The following PROKR2 variants were observed in gnomAD, a reference collection of about 807,000 sequenced individuals.
PROKR2 encodes the protein G protein-coupled receptor 73-like 1.
PROKR2 carries 26 observed loss-of-function variants against 23.4 expected under a neutral mutation model. The observed-to-expected ratio is 1.11, with a 90% confidence interval of 0.81 to 1.54. The LOEUF (loss-of-function observed/expected upper bound fraction) is 1.54, where lower values mean the gene tolerates loss of function less well. Ranked by LOEUF, PROKR2 falls within the 40% of genes most tolerant of loss-of-function variation. The pLI is 0.00. For missense variants in PROKR2, 453 were observed against 511.5 expected (o/e 0.89, Z 1.10); for synonymous variants, 212 against 201.2 (o/e 1.05, Z -0.45).
At chr20:5,309,808 C>A (rs1279322715) in intron 2 of PROKR2, among the ~76,000 whole-genome samples, 2 of 152,078 alleles carry the variant, frequency 1.3e-5, no homozygotes, top group African/African-American at 4.8e-5. Flanking sequence ...TTTCAATAAC[C>A]CATGCCAAAG....
intron 2 of PROKR2, among the ~76,000 whole-genome samples, chr20:5,306,918 C>A (rs768278532): frequency 6.6e-6 from 1 of 152,232 alleles, no homozygotes; most frequent in Non-Finnish European, 1.5e-5. Context: ...AGCAGAATAA[C>A]TGATTTGGTG....
intron 2 of PROKR2, among the ~76,000 whole-genome samples, chr20:5,305,804 AG>A (rs1404851669): frequency 6.6e-6 from 1 of 152,228 alleles, no homozygotes; most frequent in Non-Finnish European, 1.5e-5. Context: ...GAGTTGGTAA[AG>A]CCCCTGAAGT....
At chr20:5,308,763 C>T (rs929859682) in intron 2 of PROKR2, among the ~76,000 whole-genome samples, 3 of 152,172 alleles carry the variant, frequency 2.0e-5, no homozygotes, top group African/African-American at 4.8e-5. Flanking sequence ...TGACCAGACC[C>T]TTCAGTCACT....
At chr20:5,315,644 A>ACAGGAACTG in intron 1 of PROKR2, 1 of 351,774 alleles carries the variant, frequency 2.8e-6, no homozygotes, top group Non-Finnish European at 5.7e-6. Flanking sequence ...ACGCCGAGGG[A>ACAGGAACTG]CAGGAACTGC....
rs1474859660 is a variant in PROKR2, at chr20:5,314,358, C to T, written c.12G>A (p.Gln4=). 1 of 1,613,860 alleles carries T rather than the reference C, an allele frequency of 6.2e-7. No individual in the cohort carries two copies. Among genetic ancestry groups the T allele is most frequent in the Non-Finnish European group, 8.5e-7 (1 of 1,180,028 alleles). ...TGGGTGTGAAACTGGTGTTTCCATTCTGGGCTGCCATGGTGATGTCTGCAA... is the reference window on the plus strand; with the variant it reads ...TGGGTGTGAAACTGGTGTTTCCATTTTGGGCTGCCATGGTGATGTCTGCAA... The part of the protein sequence containing the change: MAA[Q]NGNTSFTPNF... Residue 4 remains glutamine, a synonymous_variant, in exon 2 of 3, where the codon CAG becomes CAA. Coordinates refer to ENST00000678254, the MANE Select transcript of PROKR2 (RefSeq NM_144773.4).
At chr20:5,304,445 C>T (rs546351362) in intron 2 of PROKR2, among the ~76,000 whole-genome samples, 2 of 152,342 alleles carry the variant, frequency 1.3e-5, no homozygotes, top group Admixed American at 1.3e-4. Flanking sequence ...CTTACTCGAG[C>T]TCGTCTAACT....
intron 1 of PROKR2, among the ~76,000 whole-genome samples, chr20:5,315,235 G>GAATTCCATGCAAAAAAAAAAAAAAAAAA (rs1330572086): frequency 3.3e-5 from 5 of 150,074 alleles, no homozygotes; most frequent in Non-Finnish European, 6.0e-5. Context: ...ACCAGCTCCA[G>GAATTCCATGCAAAAAAAAAAAAAAAAAA]AAAGAAATCC....
intron 2 of PROKR2, among the ~76,000 whole-genome samples, chr20:5,312,544 C>T (rs1979482819): frequency 6.6e-6 from 1 of 152,106 alleles, no homozygotes; most frequent in African/African-American, 2.4e-5. Context: ...ATCGTTTTTC[C>T]TGCAGAAATT....
chr20:5,305,314 A>G (rs1364070961), intron 2 of PROKR2, among the ~76,000 whole-genome samples: 1 of 152,222 alleles, frequency 6.6e-6, no homozygotes, highest in African/African-American at 2.4e-5. Context: ...GCTGCACAAA[A>G]GCTGTGAGTC....
At chr20:5,309,852 A>G (rs568653428) in intron 2 of PROKR2, among the ~76,000 whole-genome samples, 18 of 152,356 alleles carry the variant, frequency 1.2e-4, no homozygotes, top group African/African-American at 4.1e-4. Flanking sequence ...TCTGTTGTCA[A>G]TTCTTAAATT....
At chr20:5,314,410 G>T in intron 1 of PROKR2, 33 bp from the exon 2 acceptor site, 1 of 1,559,456 alleles carries the variant, frequency 6.4e-7, no homozygotes, top group Non-Finnish European at 8.8e-7. Flanking sequence ...GAGGTGCGAG[G>T]GGTGAGGGTC....
At position 5,314,074 on chromosome 20, in the gene PROKR2, T is replaced by A; in HGVS notation, c.296A>T (p.Asp99Val). 1 of 1,614,110 alleles carries A rather than the reference T, an allele frequency of 6.2e-7. No homozygotes were observed. The highest frequency in any genetic ancestry group is 8.5e-7 in the Non-Finnish European group (1 of 1,180,024). ...NLLIANLAIS[D>V]FLVAIICCPF... ...GCAGCAGATGATGGCCACCAGGAAG[T>A]CGGAGATGGCCAGGTTGGCAATGAG... The change falls in exon 2 of 3, where the codon GAC becomes GTC. Residue 99 changes from aspartate to valine, a missense_variant. Coordinates refer to ENST00000678254, the MANE Select transcript of PROKR2 (RefSeq NM_144773.4).
chr20:5,315,428 A>G (rs1002673125), intron 1 of PROKR2, among the ~76,000 whole-genome samples: 3 of 152,182 alleles, frequency 2.0e-5, no homozygotes, highest in African/African-American at 7.2e-5. Flanking sequence ...ACCCCAGGGT[A>G]CAAGGCTTCA....
In PROKR2 at chr20:5,302,390, A is replaced by G. The variant is rs757207828; in HGVS notation, c.805T>C (p.Cys269Arg). ...QTEQIRKRLRCRRKTVLVLMC... is the reference protein window; with the variant it reads ...QTEQIRKRLRRRRKTVLVLMC... ...AGCACCAGGACCGTCTTCCTGCGGC[A>G]GCGCAGCCGCTTGCGAATCTGCTCC... The change falls in exon 3 of 3, where the codon TGC becomes CGC. Residue 269 changes from cysteine to arginine, a missense_variant. Physicochemically the swap from Cys to Arg is radical, Grantham distance 180. Coordinates refer to ENST00000678254, the MANE Select transcript of PROKR2 (RefSeq NM_144773.4). 1.2e-6 allele frequency: 2 copies of G among 1,614,242 alleles called. No homozygotes were observed. Among genetic ancestry groups the G allele is most frequent in the South Asian group, 1.1e-5 (1 of 91,090 alleles).
Position 5,300,283 on chromosome 20 carries a change from C to T in PROKR2, c.*1757G>A, listed in dbSNP as rs553526468. Reference sequence around the variant, plus strand: ...GGAGGACTGTCAACACTTCTAAGACCGCAGGGATGCTGAGAGTCTTGGGGT... The same window carrying T: ...GGAGGACTGTCAACACTTCTAAGACTGCAGGGATGCTGAGAGTCTTGGGGT... On this transcript the variant is annotated 3_prime_UTR_variant, in exon 3 of 3. Transcript: ENST00000678254. 2.0e-4 allele frequency among the ~76,000 whole-genome samples: 30 copies of T among 152,300 alleles called. No individual in the cohort carries two copies. Among genetic ancestry groups the T allele is most frequent in the South Asian group, 1.5e-3 (7 of 4,820 alleles).
chr20:5,303,745 G>A (rs989481724), intron 2 of PROKR2, among the ~76,000 whole-genome samples: 3 of 152,106 alleles, frequency 2.0e-5, no homozygotes, highest in African/African-American at 7.2e-5. Context: ...GAAGATAAGA[G>A]GCATGAAGGA....
chr20:5,302,081 C>A lies in PROKR2; in HGVS notation c.1114G>T (p.Val372Leu). The A allele has an allele frequency of 6.2e-7, 1 of 1,614,128 alleles. No individual in the cohort carries two copies. The highest frequency in any genetic ancestry group is 1.3e-5 in the African/African-American group (1 of 75,044). Reference sequence around the variant, plus strand: ...CAGTCCACCTCTTCTGTGGTGGGCACCCCGTTGGTTCTGAGGTCAAGGTCA... The same window carrying A: ...CAGTCCACCTCTTCTGTGGTGGGCAACCCGTTGGTTCTGAGGTCAAGGTCA... ...SADLDLRTNG[V>L]PTTEEVDCIR... The change falls in exon 3 of 3, where the codon GTG (valine) becomes TTG (leucine). Residue 372 changes from valine to leucine, a missense_variant. Val to Leu is a conservative substitution (Grantham distance 32). Coordinates refer to ENST00000678254, the MANE Select transcript of PROKR2 (RefSeq NM_144773.4).
In PROKR2 at chr20:5,300,425, G is replaced by A. The variant is rs1361540857; in HGVS notation, c.*1615C>T. On this transcript the variant is annotated 3_prime_UTR_variant, in exon 3 of 3. Transcript: ENST00000678254. ...TCAGGAGTCTTTCATCCAAAGAACA[G>A]GGATGAAAAAGTGTGGGTATTTCTC... Among the ~76,000 whole-genome samples the A allele has an allele frequency of 1.4e-4, 22 of 152,150 alleles. No individual in the cohort carries two copies. Among genetic ancestry groups the A allele is most frequent in the Admixed American group, 1.4e-3 (21 of 15,280 alleles).
At chr20:5,307,742 C>T (rs1225605246) in intron 2 of PROKR2, among the ~76,000 whole-genome samples, 2 of 152,178 alleles carry the variant, frequency 1.3e-5, no homozygotes, top group East Asian at 1.9e-4. Context: ...TATCTGGAAC[C>T]TTGGTGGTAT....
Sources: allele counts gnomAD v4.1 joint callset (sites outside exome capture counted in the v4.1 genomes callset), GRCh38; gene constraint gnomAD v4.1.1; transcripts MANE v1.5; gene names NCBI Gene and HGNC (gene_info 2026-07-23, HGNC 2026-07-21).